DNA2: variants seen among roughly 807,000 people sequenced by gnomAD.
DNA2 encodes the protein DNA replication helicase/nuclease 2, also known as DNA replication ATP-dependent helicase/nuclease DNA2.
In DNA2, 101 loss-of-function variants were observed where a neutral mutation model predicts 119.1. The observed-to-expected ratio is 0.85, with a 90% CI of 0.72 to 1.00. DNA2 has a LOEUF of 1.00. Ranked by LOEUF, DNA2 falls within the 50% of genes least tolerant of loss-of-function variation. The pLI, the probability that DNA2 is intolerant of heterozygous loss-of-function variation, is 0.00. For missense variants in DNA2, 1,121 were observed against 1,255.5 expected (o/e 0.89, Z 1.62); for synonymous variants, 366 against 424.4 (o/e 0.86, Z 1.69).
chr10:68,431,087 T>G (rs1164887801), intron 13 of DNA2, among the ~76,000 whole-genome samples: 6 of 151,980 alleles, frequency 3.9e-5, no homozygotes, highest in Admixed American at 2.0e-4. Flanking sequence ...CTGCATGAAC[T>G]GTGATCATGC....
chr10:68,431,145 T>G (rs2051814421), intron 13 of DNA2, among the ~76,000 whole-genome samples: 1 of 144,198 alleles, frequency 6.9e-6, no homozygotes, highest in Non-Finnish European at 1.5e-5. Context: ...TGACTTGGAC[T>G]CCCAAAGTGC....
chr10:68,469,463 T>A (rs1340397693), intron 2 of DNA2, among the ~76,000 whole-genome samples: 1 of 152,016 alleles, frequency 6.6e-6, no homozygotes, highest in African/African-American at 2.4e-5. Flanking sequence ...TGTACGTGAT[T>A]TTCTTTTCTT....
chr10:68,466,610 GCT>G (rs1175646543), intron 3 of DNA2, among the ~76,000 whole-genome samples: 2 of 142,708 alleles, frequency 1.4e-5, no homozygotes, highest in Non-Finnish European at 3.0e-5. Flanking sequence ...ACAGAGTTTC[GCT>G]CTGTCACCCA....
chr10:68,460,753 C>T (rs2052247130), intron 4 of DNA2, among the ~76,000 whole-genome samples: 1 of 151,940 alleles, frequency 6.6e-6, no homozygotes, highest in African/African-American at 2.4e-5. Context: ...TTTTAAAAAA[C>T]ATCCAAATAA....
chr10:68,470,649 C>A, intron 1 of DNA2: 1 of 429,090 alleles, frequency 2.3e-6, no homozygotes, highest in Non-Finnish European at 4.6e-6. Flanking sequence ...ATAAATTGGA[C>A]AACATTAAAC....
At chr10:68,464,019 G>T (rs887654044) in intron 4 of DNA2, among the ~76,000 whole-genome samples, 2 of 152,140 alleles carry the variant, frequency 1.3e-5, no homozygotes, top group Non-Finnish European at 2.9e-5. Flanking sequence ...TAATACCAAA[G>T]CATCCAAAAA....
intron 14 of DNA2, among the ~76,000 whole-genome samples, chr10:68,426,074 T>G (rs544215261): frequency 6.6e-6 from 1 of 151,842 alleles, no homozygotes; most frequent in Non-Finnish European, 1.5e-5. Flanking sequence ...AGGCAGAGGT[T>G]ACAGAGAGCC....
chr10:68,420,541 TCAAA>T (rs1050964964), intron 17 of DNA2, among the ~76,000 whole-genome samples: 5 of 149,244 alleles, frequency 3.4e-5, no homozygotes, highest in Non-Finnish European at 4.5e-5. Context: ...CGTCTCAGAA[TCAAA>T]CAAACAAACT....
chr10:68,461,251 C>G (rs972097605), intron 4 of DNA2, among the ~76,000 whole-genome samples: 1 of 152,144 alleles, frequency 6.6e-6, no homozygotes, highest in Non-Finnish European at 1.5e-5. Flanking sequence ...AATATGAATA[C>G]ATTTTTTATC....
chr10:68,441,722 C>A (rs1361500190), intron 9 of DNA2, among the ~76,000 whole-genome samples: 1 of 152,102 alleles, frequency 6.6e-6, no homozygotes, highest in Admixed American at 6.6e-5. Flanking sequence ...TTGCAGTGAG[C>A]TGACAACATG....
At chr10:68,448,864 GC>G (rs2052075265) in intron 6 of DNA2, among the ~76,000 whole-genome samples, 1 of 151,994 alleles carries the variant, frequency 6.6e-6, no homozygotes, top group African/African-American at 2.4e-5. Flanking sequence ...TACAACCTCT[GC>G]CTCCCTGGTT....
chr10:68,460,415 G>A (rs10823205), intron 4 of DNA2, among the ~76,000 whole-genome samples: 26,931 of 149,212 alleles, frequency 0.18, 2,926 homozygotes, highest in African/African-American at 0.31. Context: ...GACCTAATAC[G>A]GTAATTTTTT....
chr10:68,430,721 A>C, intron 13 of DNA2, 61 bp from the exon 14 acceptor site: 1 of 1,264,480 alleles, frequency 7.9e-7, no homozygotes, highest in Non-Finnish European at 1.1e-6. Flanking sequence ...GATAATTTTT[A>C]ACATGTTTAT....
Position 68,432,235 on chromosome 10 carries a change from G to A in DNA2, c.1844C>T (p.Ala615Val). 1.2e-6 allele frequency: 2 copies of A among 1,603,316 alleles called. No individual in the cohort carries two copies. Among genetic ancestry groups the A allele is most frequent in the Non-Finnish European group, 1.7e-6 (2 of 1,174,504 alleles). ...SYLSSVLPHD[A>V]KDTVACILKG... ...TAGAATGCAGGCAACTGTATCCTTT[G>A]CATCATGTGGAAGAACAGAACTAAG... Residue 615 changes from alanine to valine, a missense_variant, in exon 12 of 21, where the codon GCA becomes GTA. Physicochemically the swap from Ala to Val is moderately conservative, Grantham distance 64 (BLOSUM62 0). Transcript: ENST00000358410.
chr10:68,455,060 T>C (rs1007669520), intron 5 of DNA2, among the ~76,000 whole-genome samples: 4 of 146,078 alleles, frequency 2.7e-5, no homozygotes, highest in Non-Finnish European at 5.9e-5. Flanking sequence ...TGCCTCAGCC[T>C]CCCGAGTAGC....
At chr10:68,446,525 TATTTA>T in intron 6 of DNA2, 112 bp from the exon 7 acceptor site, 1 of 699,468 alleles carries the variant, frequency 1.4e-6, no homozygotes, top group Non-Finnish European at 2.3e-6. Flanking sequence ...AAGTTATTTC[TATTTA>T]ATAAGTAACA....
intron 4 of DNA2, among the ~76,000 whole-genome samples, chr10:68,459,994 T>C (rs538938429): frequency 6.7e-6 from 1 of 149,956 alleles, no homozygotes; most frequent in African/African-American, 2.5e-5. Context: ...ACCAGTGCAC[T>C]CCAGCCTGGG....
intron 5 of DNA2, among the ~76,000 whole-genome samples, chr10:68,451,274 C>T (rs2133415965): frequency 6.6e-6 from 1 of 152,144 alleles, no homozygotes; most frequent in Non-Finnish European, 1.5e-5. Context: ...AACCATGTCT[C>T]CCACTATCAA....
chr10:68,415,235 CA>C lies in DNA2; in HGVS notation c.3115-129del. 5 of 533,942 alleles carry C rather than the reference CA, an allele frequency of 9.4e-6. No individual in the cohort carries two copies. The South Asian group carries it at 1.5e-4, about 16-fold the overall frequency. 33.1% of individuals were successfully genotyped at this position (533,942 alleles called of 1,614,324 possible). ...AAAAAATAAGGATCTTTATGGCATT[CA>C]ATGAATAATTATGCCTTTAAGCAAC... On this transcript the variant is annotated intron_variant, in intron 20 of 20. Transcript: ENST00000358410.
Sources: allele counts gnomAD v4.1 joint callset (sites outside exome capture counted in the v4.1 genomes callset), GRCh38; gene constraint gnomAD v4.1.1; transcripts MANE v1.5; gene names NCBI Gene and HGNC (gene_info 2026-07-23, HGNC 2026-07-21).